Variants in SGSM3 observed in about 807,000 individuals in gnomAD.
SGSM3 encodes RUN and SH3 containing 3.
SGSM3 carries 96 observed loss-of-function variants against 100.5 expected under a neutral mutation model. That is an observed-to-expected ratio of 0.96 (90% CI 0.81 to 1.13). The LOEUF (loss-of-function observed/expected upper bound fraction) is 1.13, where lower values mean the gene tolerates loss of function less well. SGSM3 is among the 50% of genes most tolerant of loss of function. The pLI is 0.00. For missense variants in SGSM3, 1,001 were observed against 1,015.8 expected, an observed-to-expected ratio of 0.99 and a Z score of 0.20; for synonymous variants, 483 against 422.8, an observed-to-expected ratio of 1.14 and a Z score of -1.75.
intron 1 of SGSM3, among the ~76,000 whole-genome samples, chr22:40,377,555 G>A (rs1441176898): frequency 6.6e-6 from 1 of 152,132 alleles, no homozygotes; most frequent in Non-Finnish European, 1.5e-5. Context: ...GTTAAAATAG[G>A]CCTGGTGTCG....
At position 40,406,424 on chromosome 22, in the gene SGSM3, C is replaced by T. The variant is rs1424006626; in HGVS notation, c.961-14C>T. Reference sequence around the variant, plus strand: ...GACAACCTTCTTCCCCCATCCTGCCCTGGCATGGCCCAGGAGGAAGAGCTG... The same window carrying T: ...GACAACCTTCTTCCCCCATCCTGCCTTGGCATGGCCCAGGAGGAAGAGCTG... On this transcript the variant is annotated splice_polypyrimidine_tract_variant and intron_variant, in intron 9 of 21. Transcript: ENST00000248929. 2.6e-6 allele frequency: 4 copies of T among 1,558,888 alleles called. No homozygotes were observed. Among genetic ancestry groups the T allele is most frequent in the Non-Finnish European group, 2.6e-6 (3 of 1,148,648 alleles).
At chr22:40,402,021 G>C (rs2050821710) in intron 3 of SGSM3, 118 bp from the exon 4 acceptor site, 2 of 768,724 alleles carry the variant, frequency 2.6e-6, no homozygotes, top group Non-Finnish European at 4.5e-6. Context: ...AGTAGCCTTT[G>C]ATCTGAGCCC....
intron 1 of SGSM3, among the ~76,000 whole-genome samples, chr22:40,395,029 C>A (rs1259056539): frequency 2.6e-5 from 4 of 152,232 alleles, no homozygotes; most frequent in Admixed American, 2.6e-4. Context: ...CATTTTCTCA[C>A]TTAACCTCAT....
chr22:40,403,091 T>C (rs1441375050), intron 4 of SGSM3, among the ~76,000 whole-genome samples: 2 of 152,266 alleles, frequency 1.3e-5, no homozygotes. Flanking sequence ...TATCTGTGTT[T>C]GGCTGGGTCA....
chr22:40,406,330 A>C, intron 9 of SGSM3, 107 bp downstream of exon 9: 1 of 1,528,890 alleles, frequency 6.5e-7, no homozygotes, highest in Non-Finnish European at 8.8e-7. Context: ...GGCCCCTGAC[A>C]ACTGTGCCAA....
At chr22:40,394,507 G>A (rs888920489) in intron 1 of SGSM3, among the ~76,000 whole-genome samples, 12 of 152,044 alleles carry the variant, frequency 7.9e-5, no homozygotes, top group Non-Finnish European at 1.3e-4. Flanking sequence ...TTAGCCGGGT[G>A]CGGTGGTGGG....
rs375151923 is a variant in SGSM3 at position 40,402,191 on chromosome 22, G to A, written c.143G>A (p.Arg48His). The part of the protein sequence containing the change: ...PEFYYDEFGF[R>H]VYKEEGDEPG... ...TTCTACTACGATGAGTTTGGTTTCC[G>A]TGTGTACAAGGAAGGTAAACTTGAG... Residue 48 changes from arginine (R) to histidine (H), a missense_variant, in exon 4 of 22, where the codon CGT (arginine) becomes CAT (histidine). Transcript: ENST00000248929. 12 of 1,613,160 alleles carry A rather than the reference G, an allele frequency of 7.4e-6. 1 individual carries two copies. The highest frequency in any genetic ancestry group is 5.3e-5 in the African/African-American group (4 of 74,892).
In SGSM3 at chr22:40,399,076, C is replaced by T. The variant is rs186309349; in HGVS notation, c.-111-1620C>T. The stretch of plus-strand genomic sequence containing the variant: ...TTGGCTCACTGCAACCTCTGCCTCC[C>T]GGGTTCAAGCAATTCTTGTGCCTCA... On this transcript the variant is annotated intron_variant, in intron 1 of 21. Coordinates refer to ENST00000248929, the MANE Select transcript of SGSM3 (RefSeq NM_015705.6). Among the ~76,000 whole-genome samples, 5 of 139,650 alleles carry T rather than the reference C, an allele frequency of 3.6e-5. 1 individual carries two copies. Among genetic ancestry groups the T allele is most frequent in the African/African-American group, 7.9e-5 (3 of 37,770 alleles). The allele number at this position is 139,650 out of a possible 152,430, so 91.6% of individuals were successfully genotyped here.
intron 18 of SGSM3, 22 bp from the exon 19 acceptor site, chr22:40,408,911 C>T (rs1189588895): frequency 6.2e-7 from 1 of 1,613,804 alleles, no homozygotes. Context: ...GCCTGAGTGA[C>T]AGCTGACGGT....
At chr22:40,388,476 G>A (rs917430752) in intron 1 of SGSM3, among the ~76,000 whole-genome samples, 7 of 152,212 alleles carry the variant, frequency 4.6e-5, no homozygotes, top group Admixed American at 1.3e-4. Context: ...CAGGTGTTCA[G>A]AGATGAGGCT....
chr22:40,406,788 C>A (rs1390376313), intron 10 of SGSM3, 126 bp downstream of exon 10: 1 of 918,936 alleles, frequency 1.1e-6, no homozygotes, highest in Admixed American at 2.1e-5. Flanking sequence ...CCAGCCTGGC[C>A]CAGTCAGACC....
rs770007144 is a variant in SGSM3, at chr22:40,408,372, A to G, written c.1725A>G (p.Gly575=). The G allele has an allele frequency of 8.6e-5, 138 of 1,613,372 alleles. No homozygotes were observed. Among genetic ancestry groups the G allele is most frequent in the Non-Finnish European group, 1.2e-4 (137 of 1,179,994 alleles). ...CCCTTAAGGCCCTGTTCGAACATGGACTGAAGAAGCCATCCCTGCTTGGGG... is the reference window on the plus strand; with the variant it reads ...CCCTTAAGGCCCTGTTCGAACATGGGCTGAAGAAGCCATCCCTGCTTGGGG... ...CPALKALFEH[G]LKKPSLLGGA... The change falls in exon 16 of 22, where the codon GGA becomes GGG. Residue 575 remains glycine, a synonymous_variant. Transcript: ENST00000248929.
At chr22:40,377,107 C>G (rs1210530681) in intron 1 of SGSM3, among the ~76,000 whole-genome samples, 2 of 152,176 alleles carry the variant, frequency 1.3e-5, no homozygotes, top group East Asian at 3.8e-4. Flanking sequence ...ATTTAGTAGA[C>G]ATAAGTTGTT....
Position 40,402,185 on chromosome 22 carries a change from G to A in SGSM3, c.137G>A (p.Gly46Asp), listed in dbSNP as rs1177936627. 1 of 1,613,836 alleles carries A rather than the reference G, an allele frequency of 6.2e-7. No homozygotes were observed. Among genetic ancestry groups the A allele is most frequent in the East Asian group, 2.2e-5 (1 of 44,886 alleles). The change falls in exon 4 of 22, where the codon GGT becomes GAT. Residue 46 changes from glycine (G) to aspartate (D), a missense_variant. Physicochemically the swap from Gly to Asp is moderately conservative, Grantham distance 94 (BLOSUM62 -1). Coordinates refer to ENST00000248929, the MANE Select transcript of SGSM3 (RefSeq NM_015705.6). ...CCAGAGTTCTACTACGATGAGTTTG[G>A]TTTCCGTGTGTACAAGGAAGGTAAA... ...EQPEFYYDEF[G>D]FRVYKEEGDE... is the part of the protein sequence containing the mutation.
chr22:40,400,748 A>G lies in SGSM3; in HGVS notation c.-59A>G. On this transcript the variant is annotated 5_prime_UTR_variant, in exon 2 of 22. In the 5' UTR this introduces an upstream ATG that the reference lacks. Transcript: ENST00000248929. ...CTGAGGAGCCTTCCAGCTCTAAGAT[A>G]GCAGGATAGGAGACTTCTAAGATTG... 2 of 1,542,522 alleles carry G rather than the reference A, an allele frequency of 1.3e-6. No homozygotes were observed. Among genetic ancestry groups the G allele is most frequent in the Non-Finnish European group, 1.8e-6 (2 of 1,138,794 alleles).
At chr22:40,402,285 C>T in intron 4 of SGSM3, 80 bp downstream of exon 4, 2 of 1,071,134 alleles carry the variant, frequency 1.9e-6, no homozygotes, top group Non-Finnish European at 2.9e-6. Context: ...AATTACTCGG[C>T]CTGTGATGGC....
At chr22:40,406,361 TG>T in intron 9 of SGSM3, 76 bp from the exon 10 acceptor site, 1 of 1,491,592 alleles carries the variant, frequency 6.7e-7, no homozygotes. Flanking sequence ...TCCCTGAGGA[TG>T]GGGGTTGGGG....
chr22:40,405,666 G>A lies in SGSM3; in HGVS notation c.636G>A (p.Leu212=). 6.2e-6 allele frequency: 10 copies of A among 1,613,302 alleles called. No homozygotes were observed. The highest frequency in any genetic ancestry group is 8.5e-6 in the Non-Finnish European group (10 of 1,179,640). ...QGTGMVAACL[L]LFLEEEDAFW... Reference sequence around the variant, plus strand: ...CTGGCCAGGTGGCCGCCTGCCTCCTGCTGTTCCTGGAGGAGGAGGACGCCT... The same window carrying A: ...CTGGCCAGGTGGCCGCCTGCCTCCTACTGTTCCTGGAGGAGGAGGACGCCT... The change falls in exon 8 of 22, where the codon CTG becomes CTA. Residue 212 remains leucine (L), a synonymous_variant. Transcript: ENST00000248929.
chr22:40,386,221 G>T (rs1179582970), intron 1 of SGSM3, among the ~76,000 whole-genome samples: 1 of 152,072 alleles, frequency 6.6e-6, no homozygotes, highest in Non-Finnish European at 1.5e-5. Context: ...GCAAAAAGTT[G>T]TCATTAATTC....
Sources: gnomAD v4.1 joint callset for allele counts (sites outside exome capture counted in the v4.1 genomes callset) on GRCh38, gnomAD v4.1.1 for gene constraint, MANE v1.5 for transcripts, NCBI Gene and HGNC (gene_info 2026-07-23, HGNC 2026-07-21) for gene names.